AFG1L: variants seen among roughly 807,000 people sequenced by gnomAD.
AFG1L encodes the protein AFG1 like ATPase.
AFG1L carries 53 observed loss-of-function variants against 62.2 expected under a neutral mutation model. The observed-to-expected ratio is 0.85, with a 90% CI of 0.68 to 1.07. The LOEUF (loss-of-function observed/expected upper bound fraction) is 1.07, where lower values mean the gene tolerates loss of function less well. AFG1L is among the 50% of genes least tolerant of loss of function. The pLI is 0.00. For synonymous variants in AFG1L, 228 were observed against 210.3 expected, an observed-to-expected ratio of 1.08 and a Z score of -0.73; for missense variants, 555 against 590.5, an observed-to-expected ratio of 0.94 and a Z score of 0.62.
At chr6:108,446,818 G>T (rs1161141466) in intron 7 of AFG1L, among the ~76,000 whole-genome samples, 1 of 151,856 alleles carries the variant, frequency 6.6e-6, no homozygotes, top group Non-Finnish European at 1.5e-5. Flanking sequence ...GCTCTCTTAT[G>T]CTGCCTCTGC....
At chr6:108,494,635 A>G (rs750080797) in intron 10 of AFG1L, among the ~76,000 whole-genome samples, 16 of 152,074 alleles carry the variant, frequency 1.1e-4, no homozygotes, top group East Asian at 5.8e-4. Flanking sequence ...GAATGGTGAG[A>G]TATTTCCCAG....
intron 5 of AFG1L, among the ~76,000 whole-genome samples, chr6:108,361,345 T>C (rs951349476): frequency 2.6e-5 from 4 of 152,058 alleles, no homozygotes; most frequent in African/African-American, 9.7e-5. Context: ...GAAAATAAGT[T>C]CAAAGATTGA....
At chr6:108,416,192 G>A (rs1296072020) in intron 7 of AFG1L, among the ~76,000 whole-genome samples, 2 of 152,148 alleles carry the variant, frequency 1.3e-5, no homozygotes, top group Admixed American at 6.5e-5. Context: ...CATTGGCCAC[G>A]AGAGAAATGC....
At chr6:108,383,637 C>T (rs911501870) in intron 6 of AFG1L, among the ~76,000 whole-genome samples, 3 of 152,060 alleles carry the variant, frequency 2.0e-5, no homozygotes, top group Non-Finnish European at 2.9e-5. Context: ...AGGAAAAAGT[C>T]CTTTGGTTAT....
chr6:108,495,443 G>A (rs1180993257), intron 10 of AFG1L, among the ~76,000 whole-genome samples: 1 of 152,200 alleles, frequency 6.6e-6, no homozygotes, highest in Admixed American at 6.5e-5. Flanking sequence ...CATTAGTGAG[G>A]CAGAGGAAAA....
At chr6:108,400,207 T>C (rs553869186) in intron 6 of AFG1L, among the ~76,000 whole-genome samples, 1 of 152,272 alleles carries the variant, frequency 6.6e-6, no homozygotes, top group East Asian at 1.9e-4. Context: ...TTGCTTTAGC[T>C]CAGACATCTA....
chr6:108,410,125 G>A (rs889357243), intron 7 of AFG1L, among the ~76,000 whole-genome samples: 1 of 152,018 alleles, frequency 6.6e-6, no homozygotes, highest in African/African-American at 2.4e-5. Context: ...GGCTAACATG[G>A]TGAAACCCCA....
chr6:108,441,151 T>A (rs1771529064), intron 7 of AFG1L, among the ~76,000 whole-genome samples: 1 of 152,232 alleles, frequency 6.6e-6, no homozygotes, highest in African/African-American at 2.4e-5. Context: ...TTCTCCACAA[T>A]GTCTTTATTC....
chr6:108,322,864 C>T (rs2114297738), intron 1 of AFG1L, among the ~76,000 whole-genome samples: 1 of 152,216 alleles, frequency 6.6e-6, no homozygotes, highest in East Asian at 1.9e-4. Context: ...CTTATTAAAC[C>T]TGCCCCACAT....
chr6:108,449,922 G>T (rs1157945266), intron 8 of AFG1L, among the ~76,000 whole-genome samples: 1 of 152,094 alleles, frequency 6.6e-6, no homozygotes, highest in African/African-American at 2.4e-5. Flanking sequence ...CCCTACAAAG[G>T]ACATGAACTC....
chr6:108,323,513 C>CACCAT (rs1297227706), intron 1 of AFG1L, among the ~76,000 whole-genome samples: 1 of 152,068 alleles, frequency 6.6e-6, no homozygotes, highest in African/African-American at 2.4e-5. Flanking sequence ...AAGCATGCAC[C>CACCAT]ACCATGCCCA....
intron 10 of AFG1L, among the ~76,000 whole-genome samples, chr6:108,500,496 T>C (rs1480744084): frequency 2.0e-5 from 3 of 151,998 alleles, no homozygotes; most frequent in Non-Finnish European, 4.4e-5. Flanking sequence ...TATATATACA[T>C]ATATATTTAC....
intron 10 of AFG1L, among the ~76,000 whole-genome samples, chr6:108,506,663 G>T (rs1314917154): frequency 6.6e-6 from 1 of 152,150 alleles, no homozygotes; most frequent in Non-Finnish European, 1.5e-5. Flanking sequence ...GTGAGCCACT[G>T]GGCCTGGCTT....
At chr6:108,356,953 A>G (rs6908664) in intron 5 of AFG1L, 133 bp downstream of exon 5, 610,080 of 753,004 alleles carry the variant, frequency 0.81, 256,141 homozygotes, top group Non-Finnish European at 0.89. Context: ...CAATTTTACT[A>G]TCTAGTTCAG....
intron 2 of AFG1L, among the ~76,000 whole-genome samples, chr6:108,343,781 T>C (rs1212289359): frequency 6.6e-6 from 1 of 152,164 alleles, no homozygotes; most frequent in Admixed American, 6.5e-5. Context: ...AGTGGAGATT[T>C]AAGAATAGAT....
intron 2 of AFG1L, among the ~76,000 whole-genome samples, chr6:108,327,941 C>T (rs1425370793): frequency 2.0e-5 from 3 of 152,210 alleles, no homozygotes; most frequent in African/African-American, 7.2e-5. Context: ...TGCAGGGCTG[C>T]TCCTGTGAGC....
chr6:108,335,975 A>T (rs1385092488), intron 2 of AFG1L, among the ~76,000 whole-genome samples: 1 of 152,246 alleles, frequency 6.6e-6, no homozygotes, highest in African/African-American at 2.4e-5. Flanking sequence ...AGGCTTAATT[A>T]TGCTAGTAAA....
At chr6:108,409,159 TC>T (rs1158734611) in intron 7 of AFG1L, among the ~76,000 whole-genome samples, 1 of 152,186 alleles carries the variant, frequency 6.6e-6, no homozygotes, top group Non-Finnish European at 1.5e-5. Flanking sequence ...GAAAGAAATA[TC>T]CCAAAATGTT....
intron 10 of AFG1L, among the ~76,000 whole-genome samples, chr6:108,480,250 A>G (rs1773275257): frequency 6.6e-6 from 1 of 152,208 alleles, no homozygotes; most frequent in East Asian, 1.9e-4. Context: ...AATAATAATA[A>G]TGAATATAGC....
Sources: gnomAD v4.1 joint callset for allele counts (sites outside exome capture counted in the v4.1 genomes callset) on GRCh38, gnomAD v4.1.1 for gene constraint, MANE v1.5 for transcripts, NCBI Gene and HGNC (gene_info 2026-07-23, HGNC 2026-07-21) for gene names.